Variants in CTDSPL observed in about 807,000 individuals in gnomAD.
The protein encoded by CTDSPL is CTD small phosphatase-like protein.
CTDSPL carries 8 observed loss-of-function variants against 30.5 expected under a neutral mutation model. The observed-to-expected ratio is 0.26, with a 90% CI of 0.15 to 0.47. The LOEUF is 0.47. Among genes scored for constraint, CTDSPL ranks in the 20% least tolerant of loss-of-function variants. CTDSPL has a pLI of 0.99. For synonymous variants in CTDSPL, 110 were observed against 137.9 expected, an observed-to-expected ratio of 0.80 and a Z score of 1.42; for missense variants, 248 against 366.1, an observed-to-expected ratio of 0.68 and a Z score of 2.63.
intron 1 of CTDSPL, among the ~76,000 whole-genome samples, chr3:37,931,418 G>C (rs1307046312): frequency 2.0e-5 from 3 of 151,996 alleles, no homozygotes; most frequent in Non-Finnish European, 4.4e-5. Context: ...GCCTCCCAAA[G>C]CACTGGGATT....
intron 1 of CTDSPL, among the ~76,000 whole-genome samples, chr3:37,937,153 GGATGGGAGTCAGTGGA>G (rs1698926180): frequency 6.6e-6 from 1 of 150,440 alleles, no homozygotes; most frequent in East Asian, 1.9e-4. Flanking sequence ...CCAAGGAGTA[GGATGGGAGTCAGTGGA>G]TAGAAAACTG....
At chr3:37,902,527 C>T (rs1698463060) in intron 1 of CTDSPL, among the ~76,000 whole-genome samples, 1 of 152,084 alleles carries the variant, frequency 6.6e-6, no homozygotes, top group South Asian at 2.1e-4. Context: ...CCCATCATGC[C>T]ATCATTTTAG....
intron 1 of CTDSPL, among the ~76,000 whole-genome samples, chr3:37,939,168 A>C (rs1277926869): frequency 6.7e-6 from 1 of 150,070 alleles, no homozygotes; most frequent in Non-Finnish European, 1.5e-5. Context: ...TCACAGTGAG[A>C]CCCTGCACTG....
At chr3:37,934,985 A>T (rs569766698) in intron 1 of CTDSPL, among the ~76,000 whole-genome samples, 5 of 152,286 alleles carry the variant, frequency 3.3e-5, no homozygotes, top group South Asian at 4.1e-4. Flanking sequence ...TTCATTACCG[A>T]CTTACAGACA....
At position 37,982,521 on chromosome 3, in the gene CTDSPL, C is replaced by CG. The variant is rs1326422980; in HGVS notation, c.*1659dup. ...GACTGGCATTAACAAGACTGGAAATCGGGGGTCAAAGTAAAATATCTTTGT... is the reference window on the plus strand; with the variant it reads ...GACTGGCATTAACAAGACTGGAAATCGGGGGGTCAAAGTAAAATATCTTTGT... On this transcript the variant is annotated 3_prime_UTR_variant, in exon 8 of 8. Coordinates refer to ENST00000273179, the MANE Select transcript of CTDSPL (RefSeq NM_001008392.2). The CG allele has an allele frequency of 1.1e-5, 5 of 456,446 alleles. No individual in the cohort carries two copies. Among genetic ancestry groups the CG allele is most frequent in the Non-Finnish European group, 1.8e-5 (4 of 226,892 alleles). 28.3% of individuals were successfully genotyped at this position (456,446 alleles called of 1,614,324 possible).
At chr3:37,976,663 A>G (rs1271546163) in intron 7 of CTDSPL, among the ~76,000 whole-genome samples, 5 of 152,090 alleles carry the variant, frequency 3.3e-5, no homozygotes, top group African/African-American at 4.8e-5. Context: ...AAACACTTCA[A>G]TAAGGTCTTC....
At chr3:37,911,786 CGG>C (rs1222419898) in intron 1 of CTDSPL, 8 of 454,284 alleles carry the variant, frequency 1.8e-5, no homozygotes, top group African/African-American at 1.6e-4. Context: ...CAGCCAGGCG[CGG>C]TGGTTCACGC....
intron 1 of CTDSPL, among the ~76,000 whole-genome samples, chr3:37,910,457 G>A (rs1374746382): frequency 1.3e-5 from 2 of 151,758 alleles, no homozygotes; most frequent in East Asian, 3.9e-4. Flanking sequence ...CTCCAGCCTG[G>A]GCAACAAGAA....
At chr3:37,874,285 T>A (rs542405264) in intron 1 of CTDSPL, among the ~76,000 whole-genome samples, 1 of 152,338 alleles carries the variant, frequency 6.6e-6, no homozygotes, top group Non-Finnish European at 1.5e-5. Flanking sequence ...ACTTCAAGTT[T>A]AATTCTGAAG....
chr3:37,889,349 T>C (rs2125595687), intron 1 of CTDSPL, among the ~76,000 whole-genome samples: 1 of 152,298 alleles, frequency 6.6e-6, no homozygotes, highest in South Asian at 2.1e-4. Context: ...ACTTAGCACA[T>C]TTGAGGATAA....
intron 1 of CTDSPL, among the ~76,000 whole-genome samples, chr3:37,873,920 C>T (rs1698104510): frequency 6.6e-6 from 1 of 152,222 alleles, no homozygotes; most frequent in Admixed American, 6.5e-5. Context: ...GCTTCAAGTT[C>T]ATGAGTGTCC....
chr3:37,871,480 T>C (rs1256152808), intron 1 of CTDSPL, among the ~76,000 whole-genome samples: 1 of 152,198 alleles, frequency 6.6e-6, no homozygotes, highest in Non-Finnish European at 1.5e-5. Context: ...CCAAGGAACA[T>C]GATTGCTGGT....
At chr3:37,964,132 T>A (rs1248461325) in intron 3 of CTDSPL, among the ~76,000 whole-genome samples, 2 of 145,142 alleles carry the variant, frequency 1.4e-5, no homozygotes, top group African/African-American at 5.1e-5. Context: ...AGGCAAAATA[T>A]GACCCCACGA....
intron 1 of CTDSPL, among the ~76,000 whole-genome samples, chr3:37,884,639 G>C (rs982917546): frequency 6.6e-5 from 10 of 152,186 alleles, no homozygotes; most frequent in Non-Finnish European, 1.3e-4. Flanking sequence ...CTGTAAGAAA[G>C]AAGGGGTAAT....
chr3:37,939,033 A>G (rs1046623740), intron 1 of CTDSPL, among the ~76,000 whole-genome samples: 2 of 150,208 alleles, frequency 1.3e-5, no homozygotes, highest in African/African-American at 4.8e-5. Context: ...TTAAAGAGCT[A>G]CTTAATGTTC....
intron 1 of CTDSPL, among the ~76,000 whole-genome samples, chr3:37,879,683 C>G (rs1374506731): frequency 6.6e-6 from 1 of 152,184 alleles, no homozygotes; most frequent in Non-Finnish European, 1.5e-5. Context: ...TGACACCTTC[C>G]TGCAGTGCTT....
intron 2 of CTDSPL, among the ~76,000 whole-genome samples, chr3:37,949,019 A>G (rs1249543862): frequency 6.7e-6 from 1 of 149,828 alleles, no homozygotes; most frequent in Non-Finnish European, 1.5e-5. Flanking sequence ...ACGGGGTTTC[A>G]CCTTGTTAGC....
At chr3:37,960,758 G>A (rs1243890068) in intron 3 of CTDSPL, among the ~76,000 whole-genome samples, 1 of 151,464 alleles carries the variant, frequency 6.6e-6, no homozygotes, top group Non-Finnish European at 1.5e-5. Context: ...AACAAAGATT[G>A]GTATCAGTTT....
At chr3:37,864,359 A>G (rs1271784713) in intron 1 of CTDSPL, among the ~76,000 whole-genome samples, 1 of 152,162 alleles carries the variant, frequency 6.6e-6, no homozygotes, top group Admixed American at 6.5e-5. Context: ...ATACTCCAGG[A>G]TAGTGCTTGT....
Sources: gnomAD v4.1 joint callset for allele counts (sites outside exome capture counted in the v4.1 genomes callset) on GRCh38, gnomAD v4.1.1 for gene constraint, MANE v1.5 for transcripts, NCBI Gene and HGNC (gene_info 2026-07-23, HGNC 2026-07-21) for gene names.